CCND2: variants seen among roughly 807,000 people sequenced by gnomAD.
The protein encoded by CCND2 is G1/S-specific cyclin-D2.
In CCND2, 6 loss-of-function variants were observed where a neutral mutation model predicts 30.2. The ratio of observed to expected loss-of-function variants is 0.20; its 90% CI spans 0.11 to 0.39. The LOEUF (loss-of-function observed/expected upper bound fraction) is 0.39. Ranked by LOEUF, CCND2 falls within the 10% of genes least tolerant of loss-of-function variation. CCND2 has a pLI of 1.00. For missense variants in CCND2, 235 were observed against 373.4 expected (o/e 0.63, Z 3.06); for synonymous variants, 150 against 153.1 (o/e 0.98, Z 0.15).
chr12:4,302,199 G>A lies in CCND2; in HGVS notation c.*2190G>A, dbSNP rs185406911. ...GACCTTTTTGGTCATGGAGGCCATC[G>A]GGCTCCCAGTTAGACCCTGGTATCC... On this transcript the variant is annotated 3_prime_UTR_variant, in exon 5 of 5. Coordinates refer to ENST00000261254, the MANE Select transcript of CCND2 (RefSeq NM_001759.4). The A allele has an allele frequency of 6.4e-5, 15 of 233,064 alleles. No homozygotes were observed. In the East Asian group the frequency reaches 6.7e-4, roughly 10 times the overall value. 14.4% of individuals were successfully genotyped at this position (233,064 alleles called of 1,614,324 possible).
chr12:4,285,936 C>T lies in CCND2; in HGVS notation c.572-2906C>T, dbSNP rs943400206. On this transcript the variant is annotated intron_variant, in intron 3 of 4. Transcript: ENST00000261254. This position sits in a 1 kb window ranked among gnomAD's most constrained non-coding sequence, Gnocchi z 4.1. ...TGTGAATTTGCCGGCTGGTAGACAC[C>T]GTGATCCATTCTATTGTCTCCTCAT... is the stretch of plus-strand genomic sequence containing the variant. Among the ~76,000 whole-genome samples, 5 of 152,126 alleles carry T rather than the reference C, an allele frequency of 3.3e-5. No individual in the cohort carries two copies. The highest frequency in any genetic ancestry group is 2.1e-4 in the South Asian group (1 of 4,824).
At chr12:4,281,250 C>G (rs1297022714) in intron 3 of CCND2, among the ~76,000 whole-genome samples, 1 of 152,198 alleles carries the variant, frequency 6.6e-6, no homozygotes, top group African/African-American at 2.4e-5. Flanking sequence ...GTTGCTTTCC[C>G]TCATCTGCAC....
chr12:4,277,735 G>C (rs112214211), intron 2 of CCND2, among the ~76,000 whole-genome samples: 3 of 152,352 alleles, frequency 2.0e-5, no homozygotes, highest in African/African-American at 7.2e-5. Context: ...TGGTGCTCTG[G>C]TTGCTGGTTT....
chr12:4,286,934 G>A (rs1266071296), intron 3 of CCND2, among the ~76,000 whole-genome samples: 2 of 152,236 alleles, frequency 1.3e-5, no homozygotes, highest in Non-Finnish European at 2.9e-5. Flanking sequence ...TGGGCCCAGG[G>A]CCATGGGCCG....
intron 3 of CCND2, among the ~76,000 whole-genome samples, chr12:4,286,038 G>C (rs936100504): frequency 6.6e-6 from 1 of 152,154 alleles, no homozygotes; most frequent in Non-Finnish European, 1.5e-5. Context: ...CACCTGGGAG[G>C]TTATCCTGCT....
intron 4 of CCND2, among the ~76,000 whole-genome samples, chr12:4,291,234 T>TGTGTGTGTGTGTGTGTGTG (rs6144591): frequency 8.6e-5 from 13 of 151,250 alleles, no homozygotes; most frequent in South Asian, 2.1e-4. Flanking sequence ...TGTGTGTGTG[T>TGTGTGTGTGTGTGTGTGTG]TTATGCACCT....
At position 4,285,283 on chromosome 12, in the gene CCND2, A is replaced by T; in HGVS notation, c.572-3559A>T. On this transcript the variant is annotated intron_variant, in intron 3 of 4. Transcript: ENST00000261254. The surrounding 1 kb of genome is among the most constrained non-coding windows in gnomAD (Gnocchi z 4.1). Reference sequence around the variant, plus strand: ...CTCTCTCTCTGCTGCAGGAGGAAGGATCTCAGGAAGTCACCAGCATCTCAC... The same window carrying T: ...CTCTCTCTCTGCTGCAGGAGGAAGGTTCTCAGGAAGTCACCAGCATCTCAC... 1.0e-6 allele frequency: 1 copy of T among 985,330 alleles called. No individual in the cohort carries two copies. Among genetic ancestry groups the T allele is most frequent in the African/African-American group, 1.7e-5 (1 of 57,320 alleles). The allele number at this position is 985,330 out of a possible 1,614,324, so 61.0% of individuals were successfully genotyped here.
intron 3 of CCND2, among the ~76,000 whole-genome samples, chr12:4,281,930 A>G (rs995664994): frequency 1.1e-4 from 12 of 111,818 alleles, no homozygotes; most frequent in Admixed American, 4.2e-4. Flanking sequence ...CCTCTGCAGC[A>G]GGTCCTGGGC....
At position 4,301,800 on chromosome 12, in the gene CCND2, ATATATTATT is replaced by A; in HGVS notation, c.*1793_*1801del. 8.7e-6 allele frequency: 2 copies of A among 230,588 alleles called. No individual in the cohort carries two copies. Among genetic ancestry groups the A allele is most frequent in the Non-Finnish European group, 1.7e-5 (2 of 116,454 alleles). The allele number at this position is 230,588 out of a possible 1,614,324, so 14.3% of individuals were successfully genotyped here. On this transcript the variant is annotated 3_prime_UTR_variant, in exon 5 of 5. Coordinates refer to ENST00000261254, the MANE Select transcript of CCND2 (RefSeq NM_001759.4). The stretch of plus-strand genomic sequence containing the variant: ...CTGCTATTTTATAAACATTTTTATA[ATATATTATT>A]TTACTGCTTAAATTCCAAGTCCTGA...
At chr12:4,298,317 A>T (rs1864202538) in intron 4 of CCND2, among the ~76,000 whole-genome samples, 1 of 152,200 alleles carries the variant, frequency 6.6e-6, no homozygotes, top group Non-Finnish European at 1.5e-5. Flanking sequence ...TGAAAGCTGT[A>T]GTTTGAAATG....
chr12:4,293,711 A>G lies in CCND2; in HGVS notation c.720+4721A>G, dbSNP rs1864129851. On this transcript the variant is annotated intron_variant, in intron 4 of 4. Transcript: ENST00000261254. This position sits in a 1 kb window ranked among gnomAD's most constrained non-coding sequence, Gnocchi z 4.9. ...TGGAAGAAGTCTCAGTTTCGACCACATGTGTGTGATTCATGGGGTTTAGCA... is the reference window on the plus strand; with the variant it reads ...TGGAAGAAGTCTCAGTTTCGACCACGTGTGTGTGATTCATGGGGTTTAGCA... 6.6e-6 allele frequency among the ~76,000 whole-genome samples: 1 copy of G among 152,188 alleles called. No individual in the cohort carries two copies. Among genetic ancestry groups the G allele is most frequent in the Admixed American group, 6.5e-5 (1 of 15,280 alleles).
chr12:4,280,810 G>C (rs532494451), intron 3 of CCND2, among the ~76,000 whole-genome samples: 2 of 152,228 alleles, frequency 1.3e-5, no homozygotes, highest in Non-Finnish European at 2.9e-5. Context: ...TTGACTAACA[G>C]ATCTTTTGGG....
Position 4,273,777 on chromosome 12 carries a change from G to C in CCND2, c.-264G>C, listed in dbSNP as rs1863817623. On this transcript the variant is annotated 5_prime_UTR_variant, in exon 1 of 5. Coordinates refer to ENST00000261254, the MANE Select transcript of CCND2 (RefSeq NM_001759.4). This position sits in a 1 kb window ranked among gnomAD's most constrained non-coding sequence, Gnocchi z 5.9. ...TCACCGCTTCAGAGCGGAGAAGAGC[G>C]AGCAGGGGAGAGCGAGACCAGTTTT... is the stretch of plus-strand genomic sequence containing the variant. 5.5e-6 allele frequency: 3 copies of C among 543,108 alleles called. No individual in the cohort carries two copies. The highest frequency in any genetic ancestry group is 9.8e-6 in the Non-Finnish European group (3 of 306,568). The allele number at this position is 543,108 out of a possible 1,614,324, so 33.6% of individuals were successfully genotyped here. A position where few individuals can be genotyped will look rare whatever the true frequency, so the allele number is the denominator to read the frequency against.
At chr12:4,295,432 T>C (rs889822191) in intron 4 of CCND2, among the ~76,000 whole-genome samples, 3 of 151,974 alleles carry the variant, frequency 2.0e-5, no homozygotes, top group African/African-American at 7.2e-5. Flanking sequence ...ATTCATGGAG[T>C]GTACCTGCCT....
At position 4,273,835 on chromosome 12, in the gene CCND2, G is replaced by GA. The variant is rs1173523174; in HGVS notation, c.-205dup. ...GGACCGGTGCGAGTGAGGCAGCCCC[G>GA]AGGCTCTGCTCGCCCACCACCCAAT... On this transcript the variant is annotated 5_prime_UTR_variant, in exon 1 of 5. Transcript: ENST00000261254. This position sits in a 1 kb window ranked among gnomAD's most constrained non-coding sequence, Gnocchi z 5.9. 1.7e-6 allele frequency: 1 copy of GA among 603,370 alleles called. No individual in the cohort carries two copies. The highest frequency in any genetic ancestry group is 2.9e-6 in the Non-Finnish European group (1 of 341,432). 37.4% of individuals were successfully genotyped at this position (603,370 alleles called of 1,614,324 possible). A position where few individuals can be genotyped will look rare whatever the true frequency, so the allele number is the denominator to read the frequency against.
In CCND2 at chr12:4,304,678, G is replaced by A. The variant is rs1010539983; in HGVS notation, c.*4669G>A. 2 of 233,682 alleles carry A rather than the reference G, an allele frequency of 8.6e-6. No individual in the cohort carries two copies. The highest frequency in any genetic ancestry group is 8.5e-6 in the Non-Finnish European group (1 of 118,048). 14.5% of individuals were successfully genotyped at this position (233,682 alleles called of 1,614,324 possible). ...TGAGAAGCCATCAGCAAATGTGTAC[G>A]TGCATGCTGTAGCTGCAGCCTGCAT... On this transcript the variant is annotated 3_prime_UTR_variant, in exon 5 of 5. Coordinates refer to ENST00000261254, the MANE Select transcript of CCND2 (RefSeq NM_001759.4). The surrounding 1 kb of genome is among the most constrained non-coding windows in gnomAD (Gnocchi z 6.2).
intron 2 of CCND2, 104 bp from the exon 3 acceptor site, chr12:4,278,656 A>G (rs779384424): frequency 1.7e-5 from 19 of 1,114,144 alleles, no homozygotes; most frequent in Non-Finnish European, 2.3e-5. Flanking sequence ...CCACGTCCTA[A>G]TGAGCGGCCT....
At chr12:4,279,543 T>C (rs1456327198) in intron 3 of CCND2, among the ~76,000 whole-genome samples, 1 of 152,174 alleles carries the variant, frequency 6.6e-6, no homozygotes, top group African/African-American at 2.4e-5. Context: ...CCTCAGTTCA[T>C]GTGGAGGTGT....
Position 4,273,976 on chromosome 12 carries a change from C to T in CCND2, c.-65C>T. The T allele has an allele frequency of 6.6e-7, 1 of 1,522,198 alleles. No homozygotes were observed. The highest frequency in any genetic ancestry group is 8.9e-7 in the Non-Finnish European group (1 of 1,127,046). 94.3% of individuals were successfully genotyped at this position (1,522,198 alleles called of 1,614,324 possible). A position where few individuals can be genotyped will look rare whatever the true frequency, so the allele number is the denominator to read the frequency against. On this transcript the variant is annotated 5_prime_UTR_variant, in exon 1 of 5. Transcript: ENST00000261254. The surrounding 1 kb of genome is among the most constrained non-coding windows in gnomAD (Gnocchi z 5.9). Reference sequence around the variant, plus strand: ...CGCTCTCCCCTCCCCTTCCAAAAAACAAAAACAGAAAAACCTTTTTCCAGG... The same window carrying T: ...CGCTCTCCCCTCCCCTTCCAAAAAATAAAAACAGAAAAACCTTTTTCCAGG...
Sources: gnomAD v4.1 joint callset for allele counts (sites outside exome capture counted in the v4.1 genomes callset) on GRCh38, gnomAD v4.1.1 for gene constraint, Gnocchi (gnomAD v3.1) non-coding constraint, MANE v1.5 for transcripts, NCBI Gene and HGNC (gene_info 2026-07-23, HGNC 2026-07-21) for gene names.